NFKB2: variants seen among roughly 807,000 people sequenced by gnomAD.
NFKB2 encodes the protein nuclear factor NF-kappa-B p100 subunit.
A neutral mutation model predicts 109.3 loss-of-function variants in NFKB2; 21 were observed. The ratio of observed to expected loss-of-function variants is 0.19; its 90% CI spans 0.14 to 0.28. NFKB2 has a LOEUF of 0.28. NFKB2 is among the 10% of genes least tolerant of loss of function. The probability of loss-of-function intolerance (pLI) is 1.00; values close to 1 mark genes in which losing one functional copy is unlikely to be tolerated. For synonymous variants in NFKB2, 478 were observed against 489.9 expected (o/e 0.98, Z 0.32); for missense variants, 806 against 1,185.3 (o/e 0.68, Z 4.70).
chr10:102,401,924 T>C lies in NFKB2; in HGVS notation c.2466+7T>C. The C allele has an allele frequency of 6.2e-7, 1 of 1,608,444 alleles. No individual in the cohort carries two copies. The highest frequency in any genetic ancestry group is 1.1e-5 in the South Asian group (1 of 90,364). ...CCTCCTGCGCAGCTACGAGGTGGGT[T>C]GGCCTGTGCCCTGCCCCCTCCCCAG... On this transcript the variant is annotated splice_region_variant and intron_variant, in intron 21 of 22. Transcript: ENST00000661543. This position sits in a 1 kb window ranked among gnomAD's most constrained non-coding sequence, Gnocchi z 4.2.
At position 102,398,381 on chromosome 10, in the gene NFKB2, C is replaced by G; in HGVS notation, c.853-4C>G. 1 of 1,614,002 alleles carries G rather than the reference C, an allele frequency of 6.2e-7. No homozygotes were observed. Among genetic ancestry groups the G allele is most frequent in the Non-Finnish European group, 8.5e-7 (1 of 1,179,960 alleles). On this transcript the variant is annotated splice_polypyrimidine_tract_variant and splice_region_variant and intron_variant, in intron 10 of 22. Transcript: ENST00000661543. This position sits in a 1 kb window ranked among gnomAD's most constrained non-coding sequence, Gnocchi z 6.6. ...GACACCCTGTGTCTCCCTGCACCCC[C>G]CAGTATGCCATTGTGTTCCGGACAC...
chr10:102,399,608 G>A lies in NFKB2; in HGVS notation c.1359G>A (p.Leu453=). The change falls in exon 14 of 23, where the codon CTG becomes CTA. Residue 453 remains leucine, a synonymous_variant. Transcript: ENST00000661543. ...AGTACAACGCGCGCCTGTTCGGCCT[G>A]GCGCAGCGCAGCGCCCGAGCCCTAC... The part of the protein sequence containing the change: ...AREYNARLFG[L]AQRSARALLD... The A allele has an allele frequency of 6.5e-7, 1 of 1,548,312 alleles. No homozygotes were observed. The highest frequency in any genetic ancestry group is 8.7e-7 in the Non-Finnish European group (1 of 1,146,412).
In NFKB2 at chr10:102,399,383, G is replaced by T. The variant is rs767551814; in HGVS notation, c.1213G>T (p.Ala405Ser). 6.5e-7 allele frequency: 1 copy of T among 1,545,018 alleles called. No homozygotes were observed. Among genetic ancestry groups the T allele is most frequent in the East Asian group, 2.4e-5 (1 of 41,416 alleles). Residue 405 changes from alanine (A) to serine (S), a missense_variant, in exon 13 of 23, where the codon GCG (alanine) becomes TCG (serine). By Grantham distance (99) the Ala-to-Ser change is moderately conservative. Transcript: ENST00000661543. The part of the protein sequence containing the change: ...MGCYPGGGGG[A>S]QMAATVPSRD... ...CTGCTACCCGGGAGGCGGGGGCGGGGCGCAGATGGCCGCCACGGTGCCCAG... is the reference window on the plus strand; with the variant it reads ...CTGCTACCCGGGAGGCGGGGGCGGGTCGCAGATGGCCGCCACGGTGCCCAG...
rs773005698 is a variant in NFKB2 at position 102,400,833 on chromosome 10, G to A, written c.1968+9G>A. On this transcript the variant is annotated intron_variant, in intron 17 of 22. Transcript: ENST00000661543. This position sits in a 1 kb window ranked among gnomAD's most constrained non-coding sequence, Gnocchi z 6.3. ...CCCATCTGGTCACCAAGGTGGGACT[G>A]AGGATTGTGGAAGGAGTGGGGCCAA... 6.3e-7 allele frequency: 1 copy of A among 1,585,148 alleles called. No homozygotes were observed. The highest frequency in any genetic ancestry group is 1.8e-5 in the Admixed American group (1 of 55,524).
At position 102,400,677 on chromosome 10, in the gene NFKB2, A is replaced by G. The variant is rs4919634; in HGVS notation, c.1821A>G (p.Ala607=). The change falls in exon 17 of 23, where the codon GCA becomes GCG. Residue 607 remains alanine, a synonymous_variant. Transcript: ENST00000661543. This position sits in a 1 kb window ranked among gnomAD's most constrained non-coding sequence, Gnocchi z 6.3. ...DFEGLYPVHL[A]VRARSPECLD... is the part of the protein sequence containing the mutation. ...TAGGACTGTATCCAGTACACCTGGC[A>G]GTCCGAGCCCGAAGCCCTGAGTGCC... is the stretch of plus-strand genomic sequence containing the variant. 1 allele frequency: 1,610,698 copies of G among 1,614,014 alleles called. 803,752 individuals are homozygous for G. The highest frequency in any genetic ancestry group is 1 in the East Asian group (44,876 of 44,876).
Position 102,398,316 on chromosome 10 carries a change from C to T in NFKB2, c.852+19C>T, listed in dbSNP as rs769240579. 19 of 1,613,798 alleles carry T rather than the reference C, an allele frequency of 1.2e-5. No individual in the cohort carries two copies. In the South Asian group the frequency reaches 1.2e-4, roughly 10 times the overall value. ...TAAACAGGTACCCAGGGCTAGGGCC[C>T]GGGCCCGGGCTGGGGGCTAAATTAG... is the stretch of plus-strand genomic sequence containing the variant. On this transcript the variant is annotated intron_variant, in intron 10 of 22. Transcript: ENST00000661543. This position sits in a 1 kb window ranked among gnomAD's most constrained non-coding sequence, Gnocchi z 6.6.
rs1366731609 is a variant in NFKB2, at chr10:102,401,456, C to A, written c.2231C>A (p.Thr744Asn). ...CTGCGGCTGTCTCCCCAGGTGAAGA[C>A]CTTGCTGCTAAATGCTGCTCAGAAC... The part of the protein sequence containing the change: ...LDLTCSTKVK[T>N]LLLNAAQNTM... The change falls in exon 20 of 23, where the codon ACC (threonine) becomes AAC (asparagine). Residue 744 changes from threonine (T) to asparagine (N), a missense_variant. By Grantham distance (65) the Thr-to-Asn change is moderately conservative. Transcript: ENST00000661543. The surrounding 1 kb of genome is among the most constrained non-coding windows in gnomAD (Gnocchi z 4.2). The A allele has an allele frequency of 1.9e-5, 31 of 1,613,856 alleles. No homozygotes were observed. Among genetic ancestry groups the A allele is most frequent in the Non-Finnish European group, 2.5e-5 (29 of 1,179,956 alleles).
At position 102,401,618 on chromosome 10, in the gene NFKB2, C is replaced by T; in HGVS notation, c.2293+100C>T. ...AAGGAGGCCTCCCTTTCTCTACCCTCAGCCCCGTCCATCACCCCTCATGGT... is the reference window on the plus strand; with the variant it reads ...AAGGAGGCCTCCCTTTCTCTACCCTTAGCCCCGTCCATCACCCCTCATGGT... On this transcript the variant is annotated intron_variant, in intron 20 of 22. Transcript: ENST00000661543. This position sits in a 1 kb window ranked among gnomAD's most constrained non-coding sequence, Gnocchi z 4.2. 3 of 1,523,692 alleles carry T rather than the reference C, an allele frequency of 2.0e-6. No individual in the cohort carries two copies. In the South Asian group the frequency reaches 3.5e-5, roughly 18 times the overall value. 94.4% of individuals were successfully genotyped at this position (1,523,692 alleles called of 1,614,324 possible).
In NFKB2 at chr10:102,396,406, G is replaced by A; in HGVS notation, c.104-43G>A. 6.2e-7 allele frequency: 1 copy of A among 1,614,152 alleles called. No homozygotes were observed. The highest frequency in any genetic ancestry group is 8.5e-7 in the Non-Finnish European group (1 of 1,179,998). On this transcript the variant is annotated intron_variant, in intron 3 of 22. Coordinates refer to ENST00000661543, the MANE Select transcript of NFKB2 (RefSeq NM_001322934.2). This position sits in a 1 kb window ranked among gnomAD's most constrained non-coding sequence, Gnocchi z 5.9. ...GAGCATGTGCCCTCTCTCTGGGGGA[G>A]GGGCTGGGAGATCGTGGCTCAGCAA...
chr10:102,400,583 TTGAA>T lies in NFKB2; in HGVS notation c.1799-69_1799-66del. Reference sequence around the variant, plus strand: ...CAGAATGGACTATGAGGTGTCGAGATTGAATGGTCAGGGCTGGTCCAGGGGCTGC... The same window carrying T: ...CAGAATGGACTATGAGGTGTCGAGATTGGTCAGGGCTGGTCCAGGGGCTGC... On this transcript the variant is annotated intron_variant, in intron 16 of 22. Transcript: ENST00000661543. The surrounding 1 kb of genome is among the most constrained non-coding windows in gnomAD (Gnocchi z 6.3). 1 of 1,600,632 alleles carries T rather than the reference TTGAA, an allele frequency of 6.2e-7. No individual in the cohort carries two copies. Among genetic ancestry groups the T allele is most frequent in the Non-Finnish European group, 8.5e-7 (1 of 1,171,512 alleles).
Position 102,395,777 on chromosome 10 carries a change from C to A in NFKB2, c.-92C>A. ...TCCACCGGATCTCACCCGCCACACC[C>A]GGACAGGCGGCTGGAGGAGGTCGGA... On this transcript the variant is annotated 5_prime_UTR_variant, in exon 1 of 23. Coordinates refer to ENST00000661543, the MANE Select transcript of NFKB2 (RefSeq NM_001322934.2). The A allele has an allele frequency of 1.5e-6, 1 of 648,470 alleles. No homozygotes were observed. The highest frequency in any genetic ancestry group is 2.7e-6 in the Non-Finnish European group (1 of 371,658). 40.2% of individuals were successfully genotyped at this position (648,470 alleles called of 1,614,324 possible).
Position 102,398,740 on chromosome 10 carries a change from C to T in NFKB2, c.993C>T (p.Asp331=). Residue 331 remains aspartate (D), a splice_region_variant and synonymous_variant, in exon 12 of 23, where the codon GAC becomes GAT. Transcript: ENST00000661543. The surrounding 1 kb of genome is among the most constrained non-coding windows in gnomAD (Gnocchi z 6.6). ...KQFTYYPLVE[D]KEEVQRKRRK... ...AATCTCATTTTCCTCTGCCCCCAGA[C>T]AAGGAAGAGGTGCAGCGGAAGCGGA... 2 of 1,612,338 alleles carry T rather than the reference C, an allele frequency of 1.2e-6. No individual in the cohort carries two copies. Among genetic ancestry groups the T allele is most frequent in the African/African-American group, 2.7e-5 (2 of 75,004 alleles).
At position 102,396,388 on chromosome 10, in the gene NFKB2, T is replaced by G; in HGVS notation, c.103+54T>G. On this transcript the variant is annotated intron_variant, in intron 3 of 22. Transcript: ENST00000661543. This position sits in a 1 kb window ranked among gnomAD's most constrained non-coding sequence, Gnocchi z 5.9. ...CCTAAAGCGGGGGAGGGAGAGCATG[T>G]GCCCTCTCTCTGGGGGAGGGGCTGG... 1 of 1,613,876 alleles carries G rather than the reference T, an allele frequency of 6.2e-7. No homozygotes were observed.
chr10:102,398,925 TG>T lies in NFKB2; in HGVS notation c.1117+66del, dbSNP rs769130073. The T allele has an allele frequency of 6.5e-7, 1 of 1,546,560 alleles. No homozygotes were observed. The highest frequency in any genetic ancestry group is 8.8e-7 in the Non-Finnish European group (1 of 1,142,544). On this transcript the variant is annotated intron_variant, in intron 12 of 22. Transcript: ENST00000661543. The surrounding 1 kb of genome is among the most constrained non-coding windows in gnomAD (Gnocchi z 6.6). ...AGAGAAGCTGTGGAGGAAAAAAATC[TG>T]GGGGAGGCCGGGCGTGGTGGCTCAC...
At chr10:102,395,515 G>A (rs2135426647), upstream of NFKB2, among the ~76,000 whole-genome samples, 1 of 152,270 alleles carries the variant, frequency 6.6e-6, no homozygotes, top group East Asian at 1.9e-4. Flanking sequence ...GGAGGAGGGG[G>A]CTTAACCCCC....
chr10:102,395,029 A>G (rs1271030461), upstream of NFKB2, among the ~76,000 whole-genome samples: 5 of 148,166 alleles, frequency 3.4e-5, no homozygotes, highest in African/African-American at 1.2e-4. Flanking sequence ...CCATGGACAC[A>G]CAACATGCAA....
At chr10:102,399,803 A>G (rs1486551540) in intron 14 of NFKB2, 85 bp downstream of exon 14, 1 of 1,427,224 alleles carries the variant, frequency 7.0e-7, no homozygotes, top group Non-Finnish European at 9.2e-7. Flanking sequence ...CAGTTTTCGG[A>G]CACGCCAGGC....
chr10:102,401,964 C>T lies in NFKB2; in HGVS notation c.2466+47C>T. 1.3e-6 allele frequency: 2 copies of T among 1,595,242 alleles called. No individual in the cohort carries two copies. Among genetic ancestry groups the T allele is most frequent in the Non-Finnish European group, 8.6e-7 (1 of 1,169,250 alleles). On this transcript the variant is annotated intron_variant, in intron 21 of 22. Transcript: ENST00000661543. This position sits in a 1 kb window ranked among gnomAD's most constrained non-coding sequence, Gnocchi z 4.2. The stretch of plus-strand genomic sequence containing the variant: ...CCCCTCCCCAGCCTCCTTTCCCGAT[C>T]TGAGTCCAGGTGCCTCCTTGGCCCC...
Position 102,399,331 on chromosome 10 carries a change from C to T in NFKB2, c.1161C>T (p.Pro387=), listed in dbSNP as rs1342665604. The change falls in exon 13 of 23, where the codon CCC becomes CCT. Residue 387 remains proline (P), a synonymous_variant. Coordinates refer to ENST00000661543, the MANE Select transcript of NFKB2 (RefSeq NM_001322934.2). ...TCCCCTCCTCCCTGGCCTACAGCCC[C>T]TACCAGTCCGGCGCGGGCCCCATGG... The part of the protein sequence containing the change: ...GFFPSSLAYS[P]YQSGAGPMGC... 18 of 1,587,438 alleles carry T rather than the reference C, an allele frequency of 1.1e-5. No homozygotes were observed. Among genetic ancestry groups the T allele is most frequent in the Non-Finnish European group, 1.5e-5 (17 of 1,168,980 alleles).
Sources: gnomAD v4.1 joint callset for allele counts (sites outside exome capture counted in the v4.1 genomes callset) on GRCh38, gnomAD v4.1.1 for gene constraint, Gnocchi (gnomAD v3.1) non-coding constraint, MANE v1.5 for transcripts, NCBI Gene and HGNC (gene_info 2026-07-23, HGNC 2026-07-21) for gene names.